Variants in CLSTN2 observed in about 807,000 individuals in gnomAD.
CLSTN2 encodes the protein calsyntenin-2.
CLSTN2 carries 48 observed loss-of-function variants against 101.2 expected under a neutral mutation model. That is an observed-to-expected ratio of 0.47 (90% CI 0.38 to 0.60). The LOEUF (loss-of-function observed/expected upper bound fraction) is 0.60. CLSTN2 is among the 20% of genes least tolerant of loss of function. The probability of loss-of-function intolerance (pLI) is 0.00; values close to 1 mark genes in which losing one functional copy is unlikely to be tolerated. For synonymous variants in CLSTN2, 481 were observed against 463.6 expected (o/e 1.04, Z -0.48); for missense variants, 1,160 against 1,238.2 (o/e 0.94, Z 0.95).
At chr3:140,264,215 T>G (rs995673220) in intron 2 of CLSTN2, among the ~76,000 whole-genome samples, 1 of 151,744 alleles carries the variant, frequency 6.6e-6, no homozygotes, top group African/African-American at 2.4e-5. Context: ...ATGATTTTGC[T>G]GTTTAAAATG....
chr3:140,239,911 A>G (rs538440981), intron 2 of CLSTN2, among the ~76,000 whole-genome samples: 33 of 107,074 alleles, frequency 3.1e-4, no homozygotes, highest in African/African-American at 9.7e-4. Flanking sequence ...ACACACAAAC[A>G]CTCATATTTA....
chr3:140,317,493 C>T (rs190184312), intron 2 of CLSTN2, among the ~76,000 whole-genome samples: 72 of 152,228 alleles, frequency 4.7e-4, no homozygotes, highest in Non-Finnish European at 8.5e-4. Flanking sequence ...GTAAAAGTTC[C>T]TACAGCCTGT....
intron 1 of CLSTN2, among the ~76,000 whole-genome samples, chr3:139,963,639 A>T (rs773725872): frequency 3.3e-5 from 5 of 152,222 alleles, no homozygotes; most frequent in African/African-American, 9.7e-5. Flanking sequence ...AGAGTCACTC[A>T]TCACAGTAAT....
chr3:140,113,330 C>A (rs532573102), intron 1 of CLSTN2, among the ~76,000 whole-genome samples: 1 of 152,324 alleles, frequency 6.6e-6, no homozygotes, highest in East Asian at 1.9e-4. Flanking sequence ...TAGGGGCTGG[C>A]TACAGTGCCT....
intron 1 of CLSTN2, among the ~76,000 whole-genome samples, chr3:140,061,918 C>T (rs1015718800): frequency 3.3e-5 from 5 of 152,242 alleles, no homozygotes; most frequent in African/African-American, 9.6e-5. Context: ...TGACACTGAT[C>T]ACACAGTATT....
intron 2 of CLSTN2, among the ~76,000 whole-genome samples, chr3:140,383,100 A>G (rs115858881): frequency 0.023 from 3,435 of 152,218 alleles, 138 homozygotes; most frequent in African/African-American, 0.078. Flanking sequence ...TTTCACATAC[A>G]CTCTGTGAGG....
chr3:140,125,696 G>A (rs1344995107), intron 1 of CLSTN2, among the ~76,000 whole-genome samples: 1 of 152,104 alleles, frequency 6.6e-6, no homozygotes, highest in Non-Finnish European at 1.5e-5. Context: ...TGAGATTTGG[G>A]TTCAGCCATA....
At chr3:140,167,342 T>C (rs1422034272) in intron 1 of CLSTN2, among the ~76,000 whole-genome samples, 1 of 152,254 alleles carries the variant, frequency 6.6e-6, no homozygotes, top group African/African-American at 2.4e-5. Context: ...ACATCCTTTA[T>C]GCCTGCTTAA....
chr3:140,174,428 C>A (rs771322459), intron 1 of CLSTN2, among the ~76,000 whole-genome samples: 1 of 152,168 alleles, frequency 6.6e-6, no homozygotes, highest in South Asian at 2.1e-4. Context: ...TCTTCTGAGC[C>A]CTCCAAACTG....
At position 140,527,182 on chromosome 3, in the gene CLSTN2, T is replaced by C. The variant is rs960927886; in HGVS notation, c.1345-5142T>C. The stretch of plus-strand genomic sequence containing the variant: ...GGAGAAAATATTAATAAACTCTGCA[T>C]GTAACAGAATTCTAATATCCAGAAT... On this transcript the variant is annotated intron_variant, in intron 8 of 16. Transcript: ENST00000458420. 3.3e-5 allele frequency among the ~76,000 whole-genome samples: 5 copies of C among 152,270 alleles called. No homozygotes were observed. The South Asian group carries it at 1.0e-3, about 32-fold the overall frequency.
chr3:140,338,654 C>T (rs1374792041), intron 2 of CLSTN2, among the ~76,000 whole-genome samples: 4 of 152,124 alleles, frequency 2.6e-5, no homozygotes, highest in South Asian at 4.1e-4. Context: ...AGCTCTTATT[C>T]GTGGGGACCC....
chr3:140,439,218 T>C (rs2088732173), intron 5 of CLSTN2, among the ~76,000 whole-genome samples: 1 of 152,232 alleles, frequency 6.6e-6, no homozygotes, highest in Admixed American at 6.5e-5. Flanking sequence ...ATCTCTCCAA[T>C]GCAGTCTGCT....
At chr3:140,422,189 TTCTC>T (rs3035957) in intron 5 of CLSTN2, among the ~76,000 whole-genome samples, 9,080 of 148,216 alleles carry the variant, frequency 0.061, 793 homozygotes, top group African/African-American at 0.19. Flanking sequence ...CTCTCTTTCT[TTCTC>T]TCTCTCTCTC....
At chr3:140,320,676 T>C (rs1576514442) in intron 2 of CLSTN2, among the ~76,000 whole-genome samples, 1 of 151,820 alleles carries the variant, frequency 6.6e-6, no homozygotes, top group East Asian at 1.9e-4. Context: ...GCATAATGTA[T>C]GTATTGACTA....
intron 2 of CLSTN2, among the ~76,000 whole-genome samples, chr3:140,184,051 A>C (rs2010450320): frequency 2.0e-5 from 3 of 152,114 alleles, no homozygotes; most frequent in African/African-American, 7.2e-5. Flanking sequence ...GGCTCAACTG[A>C]TCTCAGCTGG....
chr3:140,365,286 A>T (rs2087773671), intron 2 of CLSTN2, among the ~76,000 whole-genome samples: 1 of 152,064 alleles, frequency 6.6e-6, no homozygotes, highest in Non-Finnish European at 1.5e-5. Flanking sequence ...TTTGGTGTTG[A>T]TACAGAGGTG....
At chr3:140,422,599 A>G (rs1268946490) in intron 5 of CLSTN2, among the ~76,000 whole-genome samples, 1 of 152,216 alleles carries the variant, frequency 6.6e-6, no homozygotes, top group Non-Finnish European at 1.5e-5. Flanking sequence ...AATGCTCAGT[A>G]AAGGAACCAC....
chr3:140,019,451 C>T (rs541042990), intron 1 of CLSTN2, among the ~76,000 whole-genome samples: 2 of 152,302 alleles, frequency 1.3e-5, no homozygotes, highest in South Asian at 4.2e-4. Flanking sequence ...ACCATAATCA[C>T]CTGTTTCCTA....
intron 2 of CLSTN2, among the ~76,000 whole-genome samples, chr3:140,240,954 C>T (rs1393444980): frequency 3.3e-5 from 5 of 151,974 alleles, no homozygotes; most frequent in African/African-American, 9.7e-5. Context: ...TGGCATGTAT[C>T]GACCATCATG....
Sources: gnomAD v4.1 joint callset for allele counts (sites outside exome capture counted in the v4.1 genomes callset) on GRCh38, gnomAD v4.1.1 for gene constraint, MANE v1.5 for transcripts, NCBI Gene and HGNC (gene_info 2026-07-23, HGNC 2026-07-21) for gene names.